The following KCNIP4 variants were observed in gnomAD, a reference collection of about 807,000 sequenced individuals.
KCNIP4 encodes the protein Kv channel-interacting protein 4.
Under a neutral mutation model 34.0 loss-of-function variants are expected in KCNIP4, and 12 were observed. The observed-to-expected ratio is 0.35, with a 90% CI of 0.23 to 0.57. KCNIP4 has a LOEUF of 0.57. KCNIP4 is among the 20% of genes least tolerant of loss of function. The pLI is 0.83. For missense variants in KCNIP4, 238 were observed against 311.7 expected (o/e 0.76, Z 1.78); for synonymous variants, 124 against 102.2 (o/e 1.21, Z -1.29).
In KCNIP4 at chr4:21,924,870, T is replaced by A. The variant is rs78365957; in HGVS notation, c.61+23701A>T. ...CACTCCTCCCTGGCCCCCAATTGTT[T>A]AAGTTGAGTTTGATCATGCTACTCC... is the stretch of plus-strand genomic sequence containing the variant. On this transcript the variant is annotated intron_variant, in intron 1 of 8. Transcript: ENST00000382152. Among the ~76,000 whole-genome samples the A allele has an allele frequency of 1.8e-3, 273 of 152,174 alleles. 5 individuals carry two copies. In the East Asian group the frequency reaches 0.04, roughly 22 times the overall value.
At chr4:21,497,878 C>T (rs147737530) in intron 1 of KCNIP4, among the ~76,000 whole-genome samples, 1,616 of 152,222 alleles carry the variant, frequency 0.011, 14 homozygotes, top group Non-Finnish European at 0.015. Context: ...TATCCATCTA[C>T]TAACTCATCC....
Position 21,582,027 on chromosome 4 carries a change from A to AATGGAATGGAATG in KCNIP4, c.61+366543_61+366544insCATTCCATTCCAT, listed in dbSNP as rs1741247511. The AATGGAATGGAATG allele has an allele frequency of 9.3e-4, 105 of 113,152 alleles. 1 individual carries two copies. The highest frequency in any genetic ancestry group is 1.5e-3 in the African/African-American group (39 of 26,662). The allele number at this position is 113,152 out of a possible 1,614,324, so 7.0% of individuals were successfully genotyped here. A position where few individuals can be genotyped will look rare whatever the true frequency, so the allele number is the denominator to read the frequency against. The stretch of plus-strand genomic sequence containing the variant: ...ATAGAAGAATAGAATAGAATAGAAT[A>AATGGAATGGAATG]GAATGGAATGGAATGGAATGGAATG... On this transcript the variant is annotated intron_variant, in intron 1 of 8. Transcript: ENST00000382152.
At chr4:21,689,986 C>T (rs1457186143) in intron 1 of KCNIP4, among the ~76,000 whole-genome samples, 1 of 151,646 alleles carries the variant, frequency 6.6e-6, no homozygotes, top group African/African-American at 2.4e-5. Flanking sequence ...TGCTATATCT[C>T]TATTAGGAAG....
chr4:21,282,459 A>AGTGTGTGTGT (rs34143880), intron 1 of KCNIP4, among the ~76,000 whole-genome samples: 1 of 146,738 alleles, frequency 6.8e-6, no homozygotes, highest in Non-Finnish European at 1.5e-5. Flanking sequence ...AAGATGTGTG[A>AGTGTGTGTGT]GTGTGTGTGT....
At chr4:20,890,413 A>G (rs1211933559) in intron 1 of KCNIP4, among the ~76,000 whole-genome samples, 1 of 152,134 alleles carries the variant, frequency 6.6e-6, no homozygotes, top group African/African-American at 2.4e-5. Context: ...TTAGAGATAT[A>G]TTTGGGCAAA....
chr4:21,580,981 C>G (rs1741159456), intron 1 of KCNIP4, among the ~76,000 whole-genome samples: 1 of 152,178 alleles, frequency 6.6e-6, no homozygotes, highest in East Asian at 1.9e-4. Context: ...AGAGCTGACA[C>G]TCAACTTAAG....
chr4:21,132,705 T>C (rs1235225176), intron 1 of KCNIP4, among the ~76,000 whole-genome samples: 2 of 152,008 alleles, frequency 1.3e-5, no homozygotes, highest in East Asian at 1.9e-4. Flanking sequence ...ATTTATAACA[T>C]GTTAGAATAA....
chr4:21,507,536 C>T (rs553327220), intron 1 of KCNIP4, among the ~76,000 whole-genome samples: 2 of 152,248 alleles, frequency 1.3e-5, no homozygotes, highest in Admixed American at 6.5e-5. Flanking sequence ...GAATTACAGG[C>T]ATGAGCCACT....
intron 1 of KCNIP4, among the ~76,000 whole-genome samples, chr4:21,006,111 C>T (rs548519314): frequency 1.3e-5 from 2 of 152,152 alleles, no homozygotes; most frequent in South Asian, 2.1e-4. Context: ...TTTGAACTCA[C>T]GTCTATCTAA....
intron 1 of KCNIP4, among the ~76,000 whole-genome samples, chr4:21,064,765 C>T (rs1022928356): frequency 3.3e-5 from 5 of 152,038 alleles, no homozygotes; most frequent in African/African-American, 9.7e-5. Context: ...GAGGAATTCA[C>T]ATGTTTCTGG....
At chr4:21,134,438 G>A (rs1428506540) in intron 1 of KCNIP4, among the ~76,000 whole-genome samples, 3 of 152,052 alleles carry the variant, frequency 2.0e-5, no homozygotes, top group African/African-American at 4.8e-5. Flanking sequence ...AAAGCTTCTG[G>A]CCAAAAGTAT....
intron 1 of KCNIP4, among the ~76,000 whole-genome samples, chr4:21,649,784 C>T (rs1263877520): frequency 6.6e-6 from 1 of 152,148 alleles, no homozygotes; most frequent in Non-Finnish European, 1.5e-5. Flanking sequence ...TTTTATACAA[C>T]TCTAAACTAG....
chr4:21,805,394 C>G (rs1039820849), intron 1 of KCNIP4, among the ~76,000 whole-genome samples: 1 of 152,022 alleles, frequency 6.6e-6, no homozygotes, highest in Non-Finnish European at 1.5e-5. Flanking sequence ...TGGTGCACTA[C>G]CAGAGCACCA....
intron 1 of KCNIP4, among the ~76,000 whole-genome samples, chr4:20,956,453 C>T (rs917400078): frequency 1.3e-5 from 2 of 151,396 alleles, no homozygotes; most frequent in Admixed American, 6.6e-5. Flanking sequence ...TGCAGTGAGC[C>T]GAGATTGTGC....
chr4:21,433,425 G>A (rs1208147631), intron 1 of KCNIP4, among the ~76,000 whole-genome samples: 4 of 152,032 alleles, frequency 2.6e-5, no homozygotes, highest in African/African-American at 9.7e-5. Flanking sequence ...AAAATGGCAA[G>A]ACCCCCATCT....
intron 1 of KCNIP4, among the ~76,000 whole-genome samples, chr4:21,868,372 T>C (rs146937413): frequency 3.9e-4 from 60 of 152,328 alleles, no homozygotes; most frequent in African/African-American, 1.4e-3. Flanking sequence ...ACAACTTTTA[T>C]CTATAATAAC....
At chr4:21,760,144 T>C (rs1717946971) in intron 1 of KCNIP4, among the ~76,000 whole-genome samples, 1 of 152,072 alleles carries the variant, frequency 6.6e-6, no homozygotes, top group South Asian at 2.1e-4. Flanking sequence ...ATGGTTTTCT[T>C]TGCTGAAAAC....
At chr4:21,768,868 C>T (rs1297311821) in intron 1 of KCNIP4, among the ~76,000 whole-genome samples, 1 of 152,088 alleles carries the variant, frequency 6.6e-6, no homozygotes, top group South Asian at 2.1e-4. Flanking sequence ...AATGTGATGT[C>T]ATTTAATAAT....
At chr4:20,971,044 G>A (rs1216272749) in intron 1 of KCNIP4, among the ~76,000 whole-genome samples, 1 of 152,224 alleles carries the variant, frequency 6.6e-6, no homozygotes, top group African/African-American at 2.4e-5. Context: ...TAAAGGATAA[G>A]AAGGAGTTAA....
Sources: gnomAD v4.1 joint callset for allele counts (sites outside exome capture counted in the v4.1 genomes callset) on GRCh38, gnomAD v4.1.1 for gene constraint, MANE v1.5 for transcripts, NCBI Gene and HGNC (gene_info 2026-07-23, HGNC 2026-07-21) for gene names.